Variants in TRIM37 observed in about 807,000 individuals in gnomAD.
The protein encoded by TRIM37 is tripartite motif containing 37.
Under a neutral mutation model 129.8 loss-of-function variants are expected in TRIM37, and 80 were observed. The observed-to-expected ratio is 0.62, with a 90% CI of 0.51 to 0.74. The LOEUF is 0.74. Among genes scored for constraint, TRIM37 ranks in the 30% least tolerant of loss-of-function variants. The probability of loss-of-function intolerance (pLI) is 0.00; values close to 1 mark genes in which losing one functional copy is unlikely to be tolerated. For missense variants in TRIM37, 1,054 were observed against 1,176.5 expected (o/e 0.90, Z 1.52); for synonymous variants, 389 against 387.1 (o/e 1.00, Z -0.06).
At chr17:59,003,125 C>T (rs1364126994) in intron 22 of TRIM37, among the ~76,000 whole-genome samples, 2 of 152,218 alleles carry the variant, frequency 1.3e-5, no homozygotes, top group Non-Finnish European at 2.9e-5. Flanking sequence ...GATTCACCCG[C>T]TTTGGCCTCC....
chr17:59,062,759 A>T, intron 10 of TRIM37, 111 bp from the exon 11 acceptor site: 1 of 851,968 alleles, frequency 1.2e-6, no homozygotes, highest in South Asian at 1.4e-5. Flanking sequence ...AATCCTAGAC[A>T]AATAACAAGG....
At chr17:59,100,436 CA>C (rs1424049861) in intron 2 of TRIM37, among the ~76,000 whole-genome samples, 1 of 152,124 alleles carries the variant, frequency 6.6e-6, no homozygotes, top group East Asian at 1.9e-4. Flanking sequence ...ACTACTGATA[CA>C]TACAGTATTT....
intron 22 of TRIM37, among the ~76,000 whole-genome samples, chr17:59,003,848 G>T (rs193207723): frequency 6.6e-6 from 1 of 150,948 alleles, no homozygotes; most frequent in Non-Finnish European, 1.5e-5. Context: ...CTACTTGAAA[G>T]GCTGAGGCAG....
At chr17:59,038,285 A>G (rs2038779107) in intron 17 of TRIM37, among the ~76,000 whole-genome samples, 1 of 152,146 alleles carries the variant, frequency 6.6e-6, no homozygotes, top group African/African-American at 2.4e-5. Flanking sequence ...TTGTATGTAC[A>G]TTGTCATATT....
At chr17:59,086,972 A>G (rs777982691) in intron 4 of TRIM37, among the ~76,000 whole-genome samples, 5 of 152,242 alleles carry the variant, frequency 3.3e-5, no homozygotes, top group Non-Finnish European at 7.3e-5. Context: ...CTAAGTGTTC[A>G]CCAAAGAAAT....
chr17:59,023,433 C>T (rs1447663141), intron 19 of TRIM37, among the ~76,000 whole-genome samples: 2 of 152,054 alleles, frequency 1.3e-5, no homozygotes, highest in Admixed American at 6.5e-5. Flanking sequence ...ACAGGCAGAT[C>T]ACGAGGTCAG....
At chr17:59,069,283 G>A (rs761324855) in intron 9 of TRIM37, among the ~76,000 whole-genome samples, 1 of 151,940 alleles carries the variant, frequency 6.6e-6, no homozygotes, top group Non-Finnish European at 1.5e-5. Flanking sequence ...GGAGGTGGAG[G>A]TTGCAGTGAG....
the TRIM37 span, chr17:58,972,309 C>A: frequency 1.9e-6 from 3 of 1,576,714 alleles, no homozygotes; most frequent in Non-Finnish European, 2.6e-6. Context: ...AGCCCATGCT[C>A]TAGTTATTAG....
intron 13 of TRIM37, among the ~76,000 whole-genome samples, chr17:59,052,613 TTA>T (rs1405249341): frequency 1.3e-5 from 2 of 152,106 alleles, no homozygotes; most frequent in Non-Finnish European, 2.9e-5. Flanking sequence ...TTGGGCATCA[TTA>T]TATGTTATAA....
At chr17:58,992,796 T>C (rs898020315) in intron 24 of TRIM37, among the ~76,000 whole-genome samples, 8 of 152,160 alleles carry the variant, frequency 5.3e-5, no homozygotes, top group Non-Finnish European at 7.3e-5. Context: ...CCCACAGCAT[T>C]TCTGGTGTAG....
At chr17:59,070,743 A>T in intron 9 of TRIM37, 80 bp downstream of exon 9, 1 of 1,502,082 alleles carries the variant, frequency 6.7e-7, no homozygotes, top group Non-Finnish European at 9.1e-7. Flanking sequence ...GGCATTAAAA[A>T]AAAAAACATT....
chr17:59,032,547 A>AG lies in TRIM37; in HGVS notation c.1754-458_1754-457insC, dbSNP rs1181740027. On this transcript the variant is annotated intron_variant, in intron 17 of 23. Transcript: ENST00000262294. ...ACTCCGTCTCAAAAAAAAAAAAAAAAAAAAAAGAAAGAAGGAACCAGACAG... is the reference window on the plus strand; with the variant it reads ...ACTCCGTCTCAAAAAAAAAAAAAAAAGAAAAAAGAAAGAAGGAACCAGACAG... Among the ~76,000 whole-genome samples, 70 of 151,222 alleles carry AG rather than the reference A, an allele frequency of 4.6e-4. 1 individual carries two copies. In the East Asian group the frequency reaches 0.014, roughly 29 times the overall value.
intron 24 of TRIM37, among the ~76,000 whole-genome samples, chr17:58,986,367 T>TTTA (rs1031646384): frequency 6.7e-6 from 1 of 148,772 alleles, no homozygotes; most frequent in African/African-American, 2.5e-5. Flanking sequence ...CCCAGCTCAT[T>TTTA]TTATTATTAT....
chr17:59,083,006 G>A (rs180866108), intron 5 of TRIM37, among the ~76,000 whole-genome samples: 79 of 152,272 alleles, frequency 5.2e-4, no homozygotes, highest in African/African-American at 1.8e-3. Context: ...CCCACAGAAT[G>A]ATCAATTCTT....
At chr17:59,023,979 C>T (rs1001620899) in intron 19 of TRIM37, among the ~76,000 whole-genome samples, 1 of 151,812 alleles carries the variant, frequency 6.6e-6, no homozygotes, top group African/African-American at 2.4e-5. Flanking sequence ...TTTGGGAGGC[C>T]GAGGTGGGTG....
At chr17:59,039,698 C>A (rs953306675) in intron 17 of TRIM37, among the ~76,000 whole-genome samples, 7 of 151,976 alleles carry the variant, frequency 4.6e-5, no homozygotes, top group African/African-American at 1.7e-4. Flanking sequence ...ATTGGTAGAT[C>A]TTGTGATTCT....
chr17:59,088,555 C>G, intron 3 of TRIM37, 148 bp from the exon 4 acceptor site: 1 of 661,046 alleles, frequency 1.5e-6, no homozygotes, highest in Non-Finnish European at 2.7e-6. Context: ...CTCTATGACC[C>G]AGGGTGGAAT....
In TRIM37 at chr17:59,079,795, C is replaced by A. The variant is rs145646263; in HGVS notation, c.575G>T (p.Arg192Leu). The A allele has an allele frequency of 2.5e-5, 40 of 1,614,046 alleles. No homozygotes were observed. In the Admixed American group the frequency reaches 5.3e-4, roughly 22 times the overall value. ...CTTATTCTTCAGCTGTGTGTCTAAC[C>A]GTGCAATCATCATCTCCACTGCATT... ...IRNAVEMMIARLDTQLKNKLI... is the reference protein window; with the variant it reads ...IRNAVEMMIALLDTQLKNKLI... The change falls in exon 7 of 24, where the codon CGG (arginine) becomes CTG (leucine). Residue 192 changes from arginine (R) to leucine (L), a missense_variant. By Grantham distance (102) the Arg-to-Leu change is moderately radical. Around this residue, in one of 3 missense-constraint regions of TRIM37, gnomAD observed 752 missense variants for 870.8 expected, o/e 0.86. Coordinates refer to ENST00000262294, the MANE Select transcript of TRIM37 (RefSeq NM_015294.6).
Position 58,999,293 on chromosome 17 carries a change from T to G in TRIM37, c.*84A>C, listed in dbSNP as rs2033362017. ...GAAGAAATAAGACCAAATCTGATTA[T>G]CTGACTGATGACAAATTTGAGCACC... On this transcript the variant is annotated 3_prime_UTR_variant, in exon 24 of 24. Coordinates refer to ENST00000262294, the MANE Select transcript of TRIM37 (RefSeq NM_015294.6). 3 of 1,610,040 alleles carry G rather than the reference T, an allele frequency of 1.9e-6. No individual in the cohort carries two copies. Among genetic ancestry groups the G allele is most frequent in the Non-Finnish European group, 2.5e-6 (3 of 1,178,332 alleles).
Sources: allele counts gnomAD v4.1 joint callset (sites outside exome capture counted in the v4.1 genomes callset), GRCh38; gene constraint gnomAD v4.1.1; regional missense constraint gnomAD v4.1.1; transcripts MANE v1.5; gene names NCBI Gene and HGNC (gene_info 2026-07-23, HGNC 2026-07-21).